SLC39A11: variants seen among roughly 807,000 people sequenced by gnomAD.
SLC39A11 encodes the protein solute carrier family 39 member 11.
In SLC39A11, 33 loss-of-function variants were observed where a neutral mutation model predicts 36.1. The observed-to-expected ratio is 0.91, with a 90% CI of 0.69 to 1.22. The LOEUF (loss-of-function observed/expected upper bound fraction) is 1.22. SLC39A11 is among the 50% of genes most tolerant of loss of function. The probability of loss-of-function intolerance (pLI) is 0.00; values close to 1 mark genes in which losing one functional copy is unlikely to be tolerated. For missense variants in SLC39A11, 432 were observed against 430.3 expected, an observed-to-expected ratio of 1.00 and a Z score of -0.03; for synonymous variants, 166 against 170.3, an observed-to-expected ratio of 0.97 and a Z score of 0.20.
chr17:72,886,146 T>A (rs1020836764), intron 5 of SLC39A11, among the ~76,000 whole-genome samples: 6 of 152,208 alleles, frequency 3.9e-5, no homozygotes, highest in African/African-American at 1.4e-4. Flanking sequence ...CACTTCCCGA[T>A]TTCCAAATGG....
At chr17:72,739,518 C>T (rs888657008) in intron 6 of SLC39A11, among the ~76,000 whole-genome samples, 3 of 152,180 alleles carry the variant, frequency 2.0e-5, no homozygotes, top group East Asian at 3.9e-4. Flanking sequence ...CCTAGGACAA[C>T]AGAGGTGGAG....
Position 72,737,073 on chromosome 17 carries a change from C to T in SLC39A11, c.602-354G>A, listed in dbSNP as rs562890460. ...GGCAGATCACCTGAGGTCAGGAGTT[C>T]GAGACCAGCCTGGCCAACATGGTGA... On this transcript the variant is annotated intron_variant, in intron 6 of 9. Coordinates refer to ENST00000255559, the MANE Select transcript of SLC39A11 (RefSeq NM_139177.4). Among the ~76,000 whole-genome samples the T allele has an allele frequency of 6.4e-4, 96 of 149,204 alleles. 1 individual carries two copies. Among genetic ancestry groups the T allele is most frequent in the Middle Eastern group, 3.4e-3 (1 of 292 alleles).
chr17:72,729,403 A>ATTTT (rs200398125), intron 7 of SLC39A11, among the ~76,000 whole-genome samples: 3 of 41,934 alleles, frequency 7.2e-5, no homozygotes, highest in Admixed American at 3.9e-4. Context: ...CCACCTGGCT[A>ATTTT]TTTATATATA....
chr17:72,873,576 G>C (rs901920285), intron 5 of SLC39A11, among the ~76,000 whole-genome samples: 1 of 152,188 alleles, frequency 6.6e-6, no homozygotes, highest in African/African-American at 2.4e-5. Flanking sequence ...AGAATGAAGA[G>C]AGCTGATGGA....
chr17:73,091,414 A>C (rs2060919968), intron 1 of SLC39A11, among the ~76,000 whole-genome samples: 1 of 152,166 alleles, frequency 6.6e-6, no homozygotes, highest in Admixed American at 6.5e-5. Context: ...ACTGCACTCC[A>C]GTCCGGGTGA....
At chr17:72,766,943 G>A (rs115267429) in intron 6 of SLC39A11, among the ~76,000 whole-genome samples, 1,645 of 152,120 alleles carry the variant, frequency 0.011, 24 homozygotes, top group African/African-American at 0.038. Flanking sequence ...CCTCCAGCTG[G>A]AGAGATGTCA....
At chr17:72,825,356 G>A (rs1460739978) in intron 6 of SLC39A11, among the ~76,000 whole-genome samples, 1 of 152,250 alleles carries the variant, frequency 6.6e-6, no homozygotes, top group East Asian at 1.9e-4. Context: ...GCTGAAGCTT[G>A]GGAGCCTCAA....
intron 4 of SLC39A11, among the ~76,000 whole-genome samples, chr17:72,955,676 T>G (rs1440707592): frequency 6.6e-6 from 1 of 152,024 alleles, no homozygotes; most frequent in African/African-American, 2.4e-5. Flanking sequence ...CTCGCGGCCC[T>G]ACTGTCAGGG....
chr17:72,858,458 GCCT>G (rs2079776950), intron 5 of SLC39A11, among the ~76,000 whole-genome samples: 2 of 152,096 alleles, frequency 1.3e-5, no homozygotes, highest in Admixed American at 1.3e-4. Flanking sequence ...TGGCTATTTG[GCCT>G]CCTTTTTGGT....
rs139440386 is a variant in SLC39A11 at position 72,922,535 on chromosome 17, G to A, written c.430+25217C>T. The stretch of plus-strand genomic sequence containing the variant: ...CATGCTACAGGGTGAGAAGAAAGAG[G>A]CCTCGAGGAATAAAAATAACCATTT... On this transcript the variant is annotated intron_variant, in intron 5 of 9. Transcript: ENST00000255559. Among the ~76,000 whole-genome samples, 168 of 152,324 alleles carry A rather than the reference G, an allele frequency of 1.1e-3. 4 individuals carry two copies. The East Asian group carries it at 0.03, about 27-fold the overall frequency.
At chr17:72,758,701 T>C (rs2075453749) in intron 6 of SLC39A11, among the ~76,000 whole-genome samples, 1 of 152,206 alleles carries the variant, frequency 6.6e-6, no homozygotes, top group African/African-American at 2.4e-5. Context: ...GCTTCTGCAC[T>C]TGGTCACTTG....
At chr17:72,833,430 T>G (rs969952339) in intron 6 of SLC39A11, among the ~76,000 whole-genome samples, 5 of 152,132 alleles carry the variant, frequency 3.3e-5, no homozygotes, top group African/African-American at 1.2e-4. Flanking sequence ...TAAAAAAAGG[T>G]CTACACGATC....
intron 7 of SLC39A11, among the ~76,000 whole-genome samples, chr17:72,687,010 CT>C (rs960860668): frequency 9.9e-5 from 15 of 152,032 alleles, no homozygotes; most frequent in African/African-American, 2.4e-4. Context: ...AAATAAAGTC[CT>C]TTTTTTTAAG....
At position 73,037,761 on chromosome 17, in the gene SLC39A11, G is replaced by T. The variant is rs576676086; in HGVS notation, c.148-6047C>A. On this transcript the variant is annotated intron_variant, in intron 3 of 9. Coordinates refer to ENST00000255559, the MANE Select transcript of SLC39A11 (RefSeq NM_139177.4). ...TCGCTGTACCCCCAAAGTCTTTTTT[G>T]CCTCTTTATTCCTGAAATGAAAATG... Among the ~76,000 whole-genome samples, 15 of 152,222 alleles carry T rather than the reference G, an allele frequency of 9.9e-5. No homozygotes were observed. The East Asian group carries it at 2.7e-3, about 27-fold the overall frequency.
intron 3 of SLC39A11, among the ~76,000 whole-genome samples, chr17:73,080,746 A>T (rs1332335841): frequency 6.6e-6 from 1 of 151,984 alleles, no homozygotes; most frequent in Non-Finnish European, 1.5e-5. Context: ...AGCGTTTAAG[A>T]CCAGCCTGGC....
intron 5 of SLC39A11, among the ~76,000 whole-genome samples, chr17:72,936,319 A>C (rs968278168): frequency 6.8e-6 from 1 of 148,096 alleles, no homozygotes; most frequent in South Asian, 2.2e-4. Flanking sequence ...AGTGTGGCTT[A>C]TACTAATGAA....
intron 5 of SLC39A11, among the ~76,000 whole-genome samples, chr17:72,939,593 T>G (rs1313964052): frequency 6.6e-6 from 1 of 151,994 alleles, no homozygotes; most frequent in African/African-American, 2.4e-5. Context: ...GATACGGAGT[T>G]TTGGACATAG....
rs142997469 is a variant in SLC39A11 at position 72,664,730 on chromosome 17, A to T, written c.672-15462T>A. 4.6e-5 allele frequency among the ~76,000 whole-genome samples: 7 copies of T among 152,320 alleles called. No homozygotes were observed. The East Asian group carries it at 1.2e-3, about 25-fold the overall frequency. On this transcript the variant is annotated intron_variant, in intron 7 of 9. Coordinates refer to ENST00000255559, the MANE Select transcript of SLC39A11 (RefSeq NM_139177.4). ...CATTCCACTCAGGGCCAGGGCCCAC[A>T]TCCCCTGCTGGCCTGTAATGACTTA...
At chr17:72,699,657 G>A (rs1032147512) in intron 7 of SLC39A11, among the ~76,000 whole-genome samples, 2 of 152,206 alleles carry the variant, frequency 1.3e-5, no homozygotes, top group Non-Finnish European at 2.9e-5. Flanking sequence ...TAAACACTTG[G>A]GATAGATGCC....
Sources: gnomAD v4.1 joint callset for allele counts (sites outside exome capture counted in the v4.1 genomes callset) on GRCh38, gnomAD v4.1.1 for gene constraint, MANE v1.5 for transcripts, NCBI Gene and HGNC (gene_info 2026-07-23, HGNC 2026-07-21) for gene names.